The following AK5 variants were observed in gnomAD, a reference collection of about 807,000 sequenced individuals.
AK5 encodes adenylate kinase isoenzyme 5.
AK5 carries 27 observed loss-of-function variants against 69.5 expected under a neutral mutation model. The ratio of observed to expected loss-of-function variants is 0.39; its 90% CI spans 0.29 to 0.54. The LOEUF (loss-of-function observed/expected upper bound fraction) is 0.54, where lower values mean the gene tolerates loss of function less well. Among genes scored for constraint, AK5 ranks in the 20% least tolerant of loss-of-function variants. AK5 has a pLI of 0.71. For synonymous variants in AK5, 260 were observed against 244.4 expected (o/e 1.06, Z -0.60); for missense variants, 531 against 700.4 (o/e 0.76, Z 2.73).
At chr1:77,397,190 G>A (rs1648889962) in intron 6 of AK5, among the ~76,000 whole-genome samples, 1 of 151,996 alleles carries the variant, frequency 6.6e-6, no homozygotes, top group South Asian at 2.1e-4. Flanking sequence ...TCTTCTCACG[G>A]CACTTCCTCT....
At chr1:77,428,332 C>T (rs957233664) in intron 8 of AK5, among the ~76,000 whole-genome samples, 1 of 152,170 alleles carries the variant, frequency 6.6e-6, no homozygotes, top group Non-Finnish European at 1.5e-5. Context: ...AATACCTGCT[C>T]AACACAGAGA....
chr1:77,421,852 C>G (rs1245300169), intron 8 of AK5, among the ~76,000 whole-genome samples: 2 of 152,188 alleles, frequency 1.3e-5, no homozygotes, highest in African/African-American at 4.8e-5. Flanking sequence ...ATGGCCCCTT[C>G]TCTCCTAACT....
At chr1:77,531,179 C>G (rs565477713) in intron 12 of AK5, among the ~76,000 whole-genome samples, 1 of 152,136 alleles carries the variant, frequency 6.6e-6, no homozygotes, top group Non-Finnish European at 1.5e-5. Context: ...TTCGTGGTCT[C>G]GCTGGCTCAG....
intron 8 of AK5, among the ~76,000 whole-genome samples, chr1:77,481,116 C>T (rs527591794): frequency 1.1e-4 from 16 of 152,282 alleles, no homozygotes; most frequent in African/African-American, 3.8e-4. Flanking sequence ...GCCAGGTGAG[C>T]AGAGGAGAGG....
At chr1:77,362,283 G>A (rs981692424) in intron 6 of AK5, among the ~76,000 whole-genome samples, 1 of 152,038 alleles carries the variant, frequency 6.6e-6, no homozygotes, top group Non-Finnish European at 1.5e-5. Flanking sequence ...TTTTAAAAAC[G>A]TTTTTGCATT....
intron 5 of AK5, among the ~76,000 whole-genome samples, chr1:77,332,712 C>T (rs891355755): frequency 6.6e-6 from 1 of 151,746 alleles, no homozygotes; most frequent in African/African-American, 2.4e-5. Flanking sequence ...CTTGCTGAGG[C>T]TTCCTTTATG....
At position 77,368,264 on chromosome 1, in the gene AK5, T is replaced by TATATATA. The variant is rs1491356189; in HGVS notation, c.891+27697_891+27703dup. ...ATATATATATATATAATATATATGT[T>TATATATA]ATATATATGTTATATATGTTATATA... is the stretch of plus-strand genomic sequence containing the variant. On this transcript the variant is annotated intron_variant, in intron 6 of 13. Coordinates refer to ENST00000354567, the MANE Select transcript of AK5 (RefSeq NM_174858.3). Among the ~76,000 whole-genome samples, 120 of 96,570 alleles carry TATATATA rather than the reference T, an allele frequency of 1.2e-3. 3 individuals are homozygous for TATATATA. The highest frequency in any genetic ancestry group is 3.6e-3 in the African/African-American group (103 of 28,478). 63.4% of individuals were successfully genotyped at this position (96,570 alleles called of 152,430 possible).
At chr1:77,401,465 CACTT>C (rs1463203226) in intron 6 of AK5, among the ~76,000 whole-genome samples, 8 of 152,128 alleles carry the variant, frequency 5.3e-5, no homozygotes, top group African/African-American at 1.9e-4. Context: ...TAGAGAATGA[CACTT>C]ATGGGATATA....
At position 77,282,347 on chromosome 1, in the gene AK5, C is replaced by A. The variant is rs1466717485; in HGVS notation, c.34C>A (p.Arg12=). The part of the protein sequence containing the change: ...NTNDAKEYLA[R]REIPQLFESL... ...CAACGATGCCAAGGAGTATCTGGCCCGGAGGGAAATCCCTCAGCTTTTTGA... is the reference window on the plus strand; with the variant it reads ...CAACGATGCCAAGGAGTATCTGGCCAGGAGGGAAATCCCTCAGCTTTTTGA... Residue 12 remains arginine, a synonymous_variant, in exon 1 of 14, where the codon CGG becomes AGG. Coordinates refer to ENST00000354567, the MANE Select transcript of AK5 (RefSeq NM_174858.3). 15 of 1,560,466 alleles carry A rather than the reference C, an allele frequency of 9.6e-6. No individual in the cohort carries two copies. In the East Asian group the frequency reaches 3.6e-4, roughly 37 times the overall value.
At chr1:77,424,513 T>C (rs1260894258) in intron 8 of AK5, among the ~76,000 whole-genome samples, 22 of 152,146 alleles carry the variant, frequency 1.4e-4, no homozygotes, top group Admixed American at 1.4e-3. Context: ...AGGACTTTAA[T>C]GATAATAAAT....
intron 13 of AK5, among the ~76,000 whole-genome samples, chr1:77,553,982 G>A (rs1396571513): frequency 6.6e-6 from 1 of 152,112 alleles, no homozygotes; most frequent in Non-Finnish European, 1.5e-5. Flanking sequence ...GCAATAAAAA[G>A]GAATACAGTA....
chr1:77,354,949 T>C (rs973159235), intron 6 of AK5, among the ~76,000 whole-genome samples: 2 of 152,248 alleles, frequency 1.3e-5, no homozygotes, highest in African/African-American at 4.8e-5. Flanking sequence ...TAAGATATGA[T>C]TTTTCCTCTA....
chr1:77,322,136 T>A (rs551996458), intron 5 of AK5, among the ~76,000 whole-genome samples: 198 of 152,332 alleles, frequency 1.3e-3, no homozygotes, highest in African/African-American at 4.6e-3. Context: ...TCATGGGTAT[T>A]TGTCCAAATA....
At chr1:77,489,864 C>T (rs1359697865) in intron 10 of AK5, among the ~76,000 whole-genome samples, 1 of 152,208 alleles carries the variant, frequency 6.6e-6, no homozygotes, top group Non-Finnish European at 1.5e-5. Flanking sequence ...GCTCCAGCCA[C>T]ACCTGCATCC....
intron 5 of AK5, among the ~76,000 whole-genome samples, chr1:77,317,402 A>G (rs1208543658): frequency 6.6e-6 from 1 of 152,192 alleles, no homozygotes; most frequent in Non-Finnish European, 1.5e-5. Context: ...CCTATATTCA[A>G]GGGGAAGGGA....
At chr1:77,427,699 A>G (rs1027393331) in intron 8 of AK5, among the ~76,000 whole-genome samples, 3 of 152,204 alleles carry the variant, frequency 2.0e-5, no homozygotes, top group African/African-American at 7.2e-5. Flanking sequence ...ATAAGTGCAG[A>G]TGTGAAAATC....
intron 8 of AK5, among the ~76,000 whole-genome samples, chr1:77,436,931 A>G (rs2100625038): frequency 6.6e-6 from 1 of 152,248 alleles, no homozygotes; most frequent in Admixed American, 6.5e-5. Context: ...CATTAAATCA[A>G]CAATATTAAA....
chr1:77,400,955 A>AAG (rs35462161), intron 6 of AK5, among the ~76,000 whole-genome samples: 1 of 147,630 alleles, frequency 6.8e-6, no homozygotes, highest in Non-Finnish European at 1.5e-5. Context: ...AAAAAAAAAA[A>AAG]GTATGTTCCG....
At position 77,282,194 on chromosome 1, in the gene AK5, A is replaced by G. The variant is rs1412971766; in HGVS notation, c.-120A>G. Reference sequence around the variant, plus strand: ...GGAGAGGCTGAGCTGAGTGCGCGTGAGAAAGAGGGCTGCACCGCTGCTCGG... The same window carrying G: ...GGAGAGGCTGAGCTGAGTGCGCGTGGGAAAGAGGGCTGCACCGCTGCTCGG... On this transcript the variant is annotated 5_prime_UTR_variant, in exon 1 of 14. Transcript: ENST00000354567. 1 of 889,972 alleles carries G rather than the reference A, an allele frequency of 1.1e-6. No homozygotes were observed. The highest frequency in any genetic ancestry group is 1.6e-6 in the Non-Finnish European group (1 of 608,466). The allele number at this position is 889,972 out of a possible 1,614,324, so 55.1% of individuals were successfully genotyped here.
Sources: allele counts gnomAD v4.1 joint callset (sites outside exome capture counted in the v4.1 genomes callset), GRCh38; gene constraint gnomAD v4.1.1; transcripts MANE v1.5; gene names NCBI Gene and HGNC (gene_info 2026-07-23, HGNC 2026-07-21).